Variants in CDH4 observed in about 807,000 individuals in gnomAD.
CDH4 encodes cadherin-4.
In CDH4, 33 loss-of-function variants were observed where a neutral mutation model predicts 86.0. The observed-to-expected ratio is 0.38, with a 90% CI of 0.29 to 0.51. The LOEUF is 0.51. Among genes scored for constraint, CDH4 ranks in the 20% least tolerant of loss-of-function variants. The probability of loss-of-function intolerance (pLI) is 0.86; values close to 1 mark genes in which losing one functional copy is unlikely to be tolerated. For synonymous variants in CDH4, 555 were observed against 549.4 expected (o/e 1.01, Z -0.14); for missense variants, 1,114 against 1,307.4 (o/e 0.85, Z 2.28).
chr20:61,615,723 G>C (rs1251067212), intron 2 of CDH4, among the ~76,000 whole-genome samples: 1 of 152,184 alleles, frequency 6.6e-6, no homozygotes, highest in Non-Finnish European at 1.5e-5. Flanking sequence ...GGATGCGAGG[G>C]TTAGGAGAAT....
intron 2 of CDH4, among the ~76,000 whole-genome samples, chr20:61,277,735 C>G (rs1381842124): frequency 2.0e-5 from 3 of 152,194 alleles, no homozygotes; most frequent in Non-Finnish European, 2.9e-5. Context: ...TGAAATTGCC[C>G]CTCTGTGGGC....
intron 2 of CDH4, among the ~76,000 whole-genome samples, chr20:61,536,876 G>A (rs1325660337): frequency 1.3e-5 from 2 of 152,182 alleles, no homozygotes; most frequent in Non-Finnish European, 2.9e-5. Context: ...TTCAGCGCAG[G>A]GGCTGGCCCT....
At chr20:61,562,925 TGGG>T (rs2086231853) in intron 2 of CDH4, among the ~76,000 whole-genome samples, 1 of 152,178 alleles carries the variant, frequency 6.6e-6, no homozygotes, top group African/African-American at 2.4e-5. Context: ...CAGGACCCCC[TGGG>T]ATCTCAGCCC....
intron 2 of CDH4, among the ~76,000 whole-genome samples, chr20:61,698,668 G>A (rs1347754099): frequency 2.6e-5 from 4 of 152,220 alleles, no homozygotes; most frequent in African/African-American, 9.6e-5. Context: ...CGACATGTGG[G>A]GCCAGAGTCT....
rs956271503 is a variant in CDH4, at chr20:61,879,479, G to A, written c.1050+5579G>A. 1.3e-5 allele frequency among the ~76,000 whole-genome samples: 2 copies of A among 152,218 alleles called. No homozygotes were observed. Among genetic ancestry groups the A allele is most frequent in the Non-Finnish European group, 2.9e-5 (2 of 68,048 alleles). The stretch of plus-strand genomic sequence containing the variant: ...CACCAGCCTCCATCTGACAGAGTGA[G>A]TCATCTTTAGGAAGAAGAAAATCCA... On this transcript the variant is annotated intron_variant, in intron 7 of 15. Coordinates refer to ENST00000614565, the MANE Select transcript of CDH4 (RefSeq NM_001794.5). This position sits in a 1 kb window ranked among gnomAD's most constrained non-coding sequence, Gnocchi z 4.1.
chr20:61,711,347 G>C (rs1025321858), intron 2 of CDH4, among the ~76,000 whole-genome samples: 1 of 152,178 alleles, frequency 6.6e-6, no homozygotes, highest in East Asian at 1.9e-4. Flanking sequence ...AAATCACCCA[G>C]TCTCAGATAT....
chr20:61,654,824 T>G (rs542973218), intron 2 of CDH4, among the ~76,000 whole-genome samples: 24 of 152,330 alleles, frequency 1.6e-4, no homozygotes, highest in African/African-American at 5.5e-4. Context: ...CAGCACAGAC[T>G]GGGGGCCACG....
intron 2 of CDH4, among the ~76,000 whole-genome samples, chr20:61,636,268 A>G (rs2086945611): frequency 6.6e-6 from 1 of 152,222 alleles, no homozygotes. Context: ...GCACTCCCAG[A>G]GCCTCTCAAT....
intron 2 of CDH4, among the ~76,000 whole-genome samples, chr20:61,430,479 G>A (rs939321446): frequency 5.9e-5 from 9 of 152,168 alleles, no homozygotes; most frequent in African/African-American, 2.2e-4. Context: ...CCTGCTGAGC[G>A]TGGCAGGATA....
chr20:61,594,925 C>CTTCA (rs1034145979), intron 2 of CDH4, among the ~76,000 whole-genome samples: 30 of 152,086 alleles, frequency 2.0e-4, no homozygotes, highest in East Asian at 1.5e-3. Context: ...TTTATTAGTT[C>CTTCA]TTCATTCATT....
At chr20:61,636,730 G>T (rs2086950833) in intron 2 of CDH4, among the ~76,000 whole-genome samples, 1 of 152,220 alleles carries the variant, frequency 6.6e-6, no homozygotes, top group Non-Finnish European at 1.5e-5. Flanking sequence ...CCCTCCCCTG[G>T]TGCCCCAGAC....
intron 7 of CDH4, among the ~76,000 whole-genome samples, chr20:61,884,008 C>T (rs900497410): frequency 1.8e-4 from 27 of 152,146 alleles, no homozygotes; most frequent in Admixed American, 6.5e-4. Context: ...TCCCCTGCCC[C>T]CAACAGCAGG....
intron 2 of CDH4, among the ~76,000 whole-genome samples, chr20:61,630,786 GAA>G (rs1387368866): frequency 6.6e-6 from 1 of 152,214 alleles, no homozygotes; most frequent in Non-Finnish European, 1.5e-5. Flanking sequence ...TCTCTGGGTA[GAA>G]ATAGGTAGAA....
intron 6 of CDH4, among the ~76,000 whole-genome samples, chr20:61,864,149 C>T (rs1249866017): frequency 2.0e-5 from 3 of 152,192 alleles, no homozygotes; most frequent in Non-Finnish European, 4.4e-5. Flanking sequence ...GCTGGAGTGA[C>T]GTGGCCACAA....
intron 2 of CDH4, among the ~76,000 whole-genome samples, chr20:61,367,691 T>C (rs1234329507): frequency 3.3e-5 from 5 of 152,112 alleles, no homozygotes; most frequent in Admixed American, 6.5e-5. Context: ...CGGCAAAATG[T>C]CAGCTAATCA....
At chr20:61,405,684 C>G (rs1049395758) in intron 2 of CDH4, among the ~76,000 whole-genome samples, 3 of 150,214 alleles carry the variant, frequency 2.0e-5, no homozygotes, top group African/African-American at 7.4e-5. Context: ...ATAGCTATAT[C>G]TATGTATCTA....
chr20:61,628,371 G>A (rs1320651137), intron 2 of CDH4, among the ~76,000 whole-genome samples: 4 of 151,992 alleles, frequency 2.6e-5, no homozygotes, highest in East Asian at 1.9e-4. Flanking sequence ...CTGTCAAAGC[G>A]ACTTCAGGGA....
chr20:61,539,282 G>C (rs2086021654), intron 2 of CDH4, among the ~76,000 whole-genome samples: 1 of 152,210 alleles, frequency 6.6e-6, no homozygotes, highest in South Asian at 2.1e-4. Context: ...CGTGTCCACA[G>C]TGTAGGTGTA....
chr20:61,919,131 A>G (rs548472788), intron 9 of CDH4, among the ~76,000 whole-genome samples: 1 of 152,296 alleles, frequency 6.6e-6, no homozygotes, highest in South Asian at 2.1e-4. Context: ...TCAGCTTTTC[A>G]AAGTGTTGGG....
Sources: gnomAD v4.1 joint callset for allele counts (sites outside exome capture counted in the v4.1 genomes callset) on GRCh38, gnomAD v4.1.1 for gene constraint, Gnocchi (gnomAD v3.1) non-coding constraint, MANE v1.5 for transcripts, NCBI Gene and HGNC (gene_info 2026-07-23, HGNC 2026-07-21) for gene names.